The following BLTP2 variants were observed in gnomAD, a reference collection of about 807,000 sequenced individuals.
The protein encoded by BLTP2 is U937-associated antigen.
chr17:28,644,000 G>C, the BLTP2 span: 2 of 1,543,188 alleles, frequency 1.3e-6, no homozygotes, highest in Non-Finnish European at 1.8e-6. Context: ...AGGAAATTAA[G>C]AGTTTAAATT....
At chr17:28,645,105 C>CCCGG in the BLTP2 span, 1 of 1,529,608 alleles carries the variant, frequency 6.5e-7, no homozygotes, top group Non-Finnish European at 8.8e-7. Context: ...CCATGCCGGG[C>CCCGG]CCCGACGCCG....
chr17:28,643,201 A>C, the BLTP2 span: 1 of 1,614,242 alleles, frequency 6.2e-7, no homozygotes, highest in Non-Finnish European at 8.5e-7. Context: ...GCTGAAGGAC[A>C]GTTCCTTTTG....
chr17:28,635,219 C>A, the BLTP2 span: 105 of 1,614,052 alleles, frequency 6.5e-5, no homozygotes, highest in South Asian at 1.1e-3. Flanking sequence ...AGCAGCTGCA[C>A]CTCCACCTCC....
the BLTP2 span, chr17:28,628,489 G>A: frequency 6.2e-7 from 1 of 1,614,160 alleles, no homozygotes; most frequent in Non-Finnish European, 8.5e-7. Flanking sequence ...AGTTGTCCAG[G>A]AAATCCGTAA....
the BLTP2 span, chr17:28,637,794 C>T: frequency 6.3e-7 from 1 of 1,584,518 alleles, no homozygotes; most frequent in Non-Finnish European, 8.6e-7. Flanking sequence ...GCCTCAGTCT[C>T]CCAAGTAGCA....
chr17:28,624,162 G>T, the BLTP2 span: 4 of 1,527,830 alleles, frequency 2.6e-6, no homozygotes, highest in Non-Finnish European at 3.6e-6. Flanking sequence ...TTCATATTTA[G>T]AGGTGGGGGA....
the BLTP2 span, among the ~76,000 whole-genome samples, chr17:28,622,540 A>G: frequency 6.6e-6 from 1 of 152,236 alleles, no homozygotes; most frequent in Non-Finnish European, 1.5e-5. Context: ...TACCATGCCC[A>G]GTACAATGTG....
the BLTP2 span, among the ~76,000 whole-genome samples, chr17:28,627,643 C>T: frequency 6.6e-6 from 1 of 152,014 alleles, no homozygotes; most frequent in African/African-American, 2.4e-5. Flanking sequence ...TCCTGACCCA[C>T]CCACCTCAGC....
At chr17:28,642,554 G>C in the BLTP2 span, 1 of 579,292 alleles carries the variant, frequency 1.7e-6, no homozygotes, top group East Asian at 2.9e-5. Flanking sequence ...GGGAGGCTGA[G>C]GCAGGAGAAT....
chr17:28,639,720 G>T, the BLTP2 span: 3 of 1,456,374 alleles, frequency 2.1e-6, no homozygotes, highest in Non-Finnish European at 1.9e-6. Context: ...TCAGAAGCCG[G>T]CAAAGGGATC....
chr17:28,622,270 A>G, the BLTP2 span, among the ~76,000 whole-genome samples: 2 of 152,188 alleles, frequency 1.3e-5, no homozygotes, highest in African/African-American at 4.8e-5. Flanking sequence ...AATGAACCAC[A>G]GCTCTTATAT....
chr17:28,640,751 T>G, the BLTP2 span: 12 of 1,476,908 alleles, frequency 8.1e-6, no homozygotes, highest in Middle Eastern at 1.7e-4. Context: ...CGAAATGCCC[T>G]GGCCTCTATG....
chr17:28,615,683 C>A, the BLTP2 span: 2 of 1,614,052 alleles, frequency 1.2e-6, no homozygotes, highest in Non-Finnish European at 1.7e-6. Flanking sequence ...CAGGGCTTTG[C>A]GGCTGTCCCT....
At chr17:28,616,618 C>T in the BLTP2 span, 1 of 1,614,092 alleles carries the variant, frequency 6.2e-7, no homozygotes, top group Non-Finnish European at 8.5e-7. This position sits in a 1 kb window ranked among gnomAD's most constrained non-coding sequence, Gnocchi z 4.8. Flanking sequence ...AAGTTCTCAC[C>T]AGTAGTCACC....
At chr17:28,616,577 G>C in the BLTP2 span, 12 of 1,613,964 alleles carry the variant, frequency 7.4e-6, no homozygotes, top group Non-Finnish European at 1.0e-5. This position sits in a 1 kb window ranked among gnomAD's most constrained non-coding sequence, Gnocchi z 4.8. Context: ...CTTTGGGGTT[G>C]CTACCCTATT....
chr17:28,617,125 T>C, the BLTP2 span: 1 of 1,193,298 alleles, frequency 8.4e-7, no homozygotes. Context: ...TTTCACCCTC[T>C]CAGATCACCA....
At chr17:28,626,804 C>T in the BLTP2 span, among the ~76,000 whole-genome samples, 1 of 152,220 alleles carries the variant, frequency 6.6e-6, no homozygotes, top group Non-Finnish European at 1.5e-5. Context: ...TCTCTTCATC[C>T]ATATCCTTTG....
the BLTP2 span, chr17:28,631,985 T>C: frequency 1.9e-6 from 3 of 1,607,222 alleles, no homozygotes; most frequent in Non-Finnish European, 2.6e-6. Flanking sequence ...GGACTCAATA[T>C]GAGAAACAAG....
the BLTP2 span, among the ~76,000 whole-genome samples, chr17:28,632,729 AC>A: frequency 6.6e-6 from 1 of 152,114 alleles, no homozygotes; most frequent in South Asian, 2.1e-4. Context: ...TTTATAAGCT[AC>A]CAAACTTGTG....
Sources: gnomAD v4.1 joint callset for allele counts (sites outside exome capture counted in the v4.1 genomes callset) on GRCh38, gnomAD v4.1.1 for gene constraint, Gnocchi (gnomAD v3.1) non-coding constraint, MANE v1.5 for transcripts, NCBI Gene and HGNC (gene_info 2026-07-23, HGNC 2026-07-21) for gene names.